LGR4: variants seen among roughly 807,000 people sequenced by gnomAD.
LGR4 encodes leucine-rich repeat-containing G protein-coupled receptor 4.
A neutral mutation model predicts 84.8 loss-of-function variants in LGR4; 44 were observed. That is an observed-to-expected ratio of 0.52 (90% CI 0.41 to 0.67). The LOEUF is 0.67. Among genes scored for constraint, LGR4 ranks in the 30% least tolerant of loss-of-function variants. The probability of loss-of-function intolerance (pLI) is 0.00; values close to 1 mark genes in which losing one functional copy is unlikely to be tolerated. For synonymous variants in LGR4, 429 were observed against 434.3 expected, an observed-to-expected ratio of 0.99 and a Z score of 0.15; for missense variants, 1,032 against 1,131.4, an observed-to-expected ratio of 0.91 and a Z score of 1.26.
chr11:27,370,061 CT>C (rs1209997562), intron 17 of LGR4, among the ~76,000 whole-genome samples: 1 of 152,184 alleles, frequency 6.6e-6, no homozygotes. Flanking sequence ...CAAATTACAA[CT>C]GTTTTACTGA....
chr11:27,373,620 T>C lies in LGR4; in HGVS notation c.1310A>G (p.Asn437Ser). The change falls in exon 15 of 18, where the codon AAT becomes AGT. Residue 437 changes from asparagine to serine, a missense_variant. By Grantham distance (46) the Asn-to-Ser change is conservative. Transcript: ENST00000379214. ...GAAGTTGCCCACAAGTTTCAGTTGA[T>C]TTAGCCCATTCAGGCCTTCCGTAGG... ...SFPTEGLNGL[N>S]QLKLVGNFKL... The C allele has an allele frequency of 6.2e-7, 1 of 1,603,228 alleles. No individual in the cohort carries two copies.
chr11:27,412,199 A>C (rs879582955), intron 2 of LGR4, among the ~76,000 whole-genome samples: 17 of 152,170 alleles, frequency 1.1e-4, no homozygotes, highest in Non-Finnish European at 2.4e-4. Flanking sequence ...AAATATTTCC[A>C]CAGTGCAAAC....
At chr11:27,468,896 C>T (rs1033694374) in intron 1 of LGR4, among the ~76,000 whole-genome samples, 1 of 152,122 alleles carries the variant, frequency 6.6e-6, no homozygotes, top group Non-Finnish European at 1.5e-5. Flanking sequence ...TTCTCAAACA[C>T]CGTAGCAATA....
chr11:27,435,805 G>A (rs1051413697), intron 1 of LGR4, among the ~76,000 whole-genome samples: 1 of 151,976 alleles, frequency 6.6e-6, no homozygotes, highest in East Asian at 1.9e-4. Context: ...TACTTTGAAT[G>A]CATCTAGTGC....
chr11:27,405,104 G>A (rs977022758), intron 2 of LGR4, among the ~76,000 whole-genome samples: 1 of 152,162 alleles, frequency 6.6e-6, no homozygotes, highest in African/African-American at 2.4e-5. Context: ...GTCCCCAAAT[G>A]TCTGTTTCCT....
In LGR4 at chr11:27,376,387, G is replaced by A. The variant is rs368594722; in HGVS notation, c.1110-17C>T. 1 of 1,323,818 alleles carries A rather than the reference G, an allele frequency of 7.6e-7. No individual in the cohort carries two copies. The highest frequency in any genetic ancestry group is 1.1e-6 in the Non-Finnish European group (1 of 943,356). 82.0% of individuals were successfully genotyped at this position (1,323,818 alleles called of 1,614,324 possible). ...TGTAAAGAACTAAATAAAAAAAGAAGAAGAAAGAAGACGAAGACAAAGACA... is the reference window on the plus strand; with the variant it reads ...TGTAAAGAACTAAATAAAAAAAGAAAAAGAAAGAAGACGAAGACAAAGACA... On this transcript the variant is annotated splice_polypyrimidine_tract_variant and intron_variant, in intron 12 of 17. Coordinates refer to ENST00000379214, the MANE Select transcript of LGR4 (RefSeq NM_018490.5).
At chr11:27,468,145 T>C (rs1360700931) in intron 1 of LGR4, among the ~76,000 whole-genome samples, 5 of 152,226 alleles carry the variant, frequency 3.3e-5, no homozygotes. Context: ...GAATCTGAGA[T>C]GATCTTTCCA....
Position 27,382,789 on chromosome 11 carries a change from C to T in LGR4, c.690-533G>A, listed in dbSNP as rs572701367. ...ATCCCAGCACTTTGGGAGGCTGAGG[C>T]GGGCAGATCATGAGGTCAAGAGATC... On this transcript the variant is annotated intron_variant, in intron 6 of 17. Coordinates refer to ENST00000379214, the MANE Select transcript of LGR4 (RefSeq NM_018490.5). Among the ~76,000 whole-genome samples the T allele has an allele frequency of 4.2e-4, 64 of 152,060 alleles. 1 individual carries two copies. The South Asian group carries it at 0.013, about 30-fold the overall frequency.
intron 2 of LGR4, among the ~76,000 whole-genome samples, chr11:27,410,415 C>T (rs1218315929): frequency 6.6e-6 from 1 of 152,112 alleles, no homozygotes; most frequent in Non-Finnish European, 1.5e-5. Flanking sequence ...TTGTAAAGCA[C>T]ACCTCATTAA....
intron 2 of LGR4, 49 bp downstream of exon 2, chr11:27,412,740 T>C (rs762216682): frequency 9.0e-7 from 1 of 1,117,252 alleles, no homozygotes; most frequent in Non-Finnish European, 1.4e-6. Context: ...GCTTCCAAAA[T>C]GAATTGGGGA....
At chr11:27,431,009 CT>C (rs1264141163) in intron 1 of LGR4, among the ~76,000 whole-genome samples, 3 of 152,052 alleles carry the variant, frequency 2.0e-5, no homozygotes, top group Non-Finnish European at 4.4e-5. Context: ...TTCTTACCTC[CT>C]GGTTTTCTCT....
chr11:27,418,038 T>C (rs947561024), intron 1 of LGR4, among the ~76,000 whole-genome samples: 1 of 152,188 alleles, frequency 6.6e-6, no homozygotes, highest in Non-Finnish European at 1.5e-5. Flanking sequence ...CTGTCATCCA[T>C]TGAACAAATA....
At chr11:27,440,885 G>T (rs1864294701) in intron 1 of LGR4, among the ~76,000 whole-genome samples, 1 of 152,168 alleles carries the variant, frequency 6.6e-6, no homozygotes, top group African/African-American at 2.4e-5. Flanking sequence ...CTAGAGGTGG[G>T]TCTCAGCAAT....
intron 1 of LGR4, among the ~76,000 whole-genome samples, chr11:27,457,703 C>G (rs1317375762): frequency 6.6e-6 from 1 of 152,176 alleles, no homozygotes; most frequent in Non-Finnish European, 1.5e-5. Flanking sequence ...CATACAAAAA[C>G]TCTGTGTGAA....
intron 1 of LGR4, among the ~76,000 whole-genome samples, chr11:27,435,031 C>A (rs181196447): frequency 6.6e-6 from 1 of 152,068 alleles, no homozygotes; most frequent in African/African-American, 2.4e-5. Context: ...ACCTTCCTGA[C>A]GAGCTACTTA....
chr11:27,395,776 G>A (rs1863379736), intron 2 of LGR4, among the ~76,000 whole-genome samples: 1 of 152,176 alleles, frequency 6.6e-6, no homozygotes, highest in Non-Finnish European at 1.5e-5. Flanking sequence ...GTGTTAATGA[G>A]TAACAAGCAC....
At chr11:27,412,964 A>C in intron 1 of LGR4, 104 bp from the exon 2 acceptor site, 1 of 763,796 alleles carries the variant, frequency 1.3e-6, no homozygotes, top group Admixed American at 2.1e-5. Flanking sequence ...GTGAAAGAGC[A>C]TAGAAGACAC....
At position 27,378,677 on chromosome 11, in the gene LGR4, G is replaced by T. The variant is rs778873919; in HGVS notation, c.1043+20C>A. 3.3e-6 allele frequency: 5 copies of T among 1,517,896 alleles called. No individual in the cohort carries two copies. The highest frequency in any genetic ancestry group is 4.6e-6 in the Non-Finnish European group (5 of 1,095,044). 94.0% of individuals were successfully genotyped at this position (1,517,896 alleles called of 1,614,324 possible). A position where few individuals can be genotyped will look rare whatever the true frequency, so the allele number is the denominator to read the frequency against. On this transcript the variant is annotated intron_variant, in intron 11 of 17. Transcript: ENST00000379214. Reference sequence around the variant, plus strand: ...TATAAACAAAAGGTATGAGGGGAAGGGAAGAAGAATCCAACTTACAAAGTC... The same window carrying T: ...TATAAACAAAAGGTATGAGGGGAAGTGAAGAAGAATCCAACTTACAAAGTC...
intron 1 of LGR4, among the ~76,000 whole-genome samples, chr11:27,459,897 C>T (rs533170487): frequency 6.6e-6 from 1 of 152,104 alleles, no homozygotes; most frequent in Non-Finnish European, 1.5e-5. Context: ...TCGAGACCAG[C>T]GGGGCCAACA....
Sources: allele counts gnomAD v4.1 joint callset (sites outside exome capture counted in the v4.1 genomes callset), GRCh38; gene constraint gnomAD v4.1.1; transcripts MANE v1.5; gene names NCBI Gene and HGNC (gene_info 2026-07-23, HGNC 2026-07-21).